CCDC181: variants seen among roughly 807,000 people sequenced by gnomAD.
CCDC181 encodes coiled-coil domain containing 181.
Under a neutral mutation model 58.7 loss-of-function variants are expected in CCDC181, and 35 were observed. The ratio of observed to expected loss-of-function variants is 0.60; its 90% CI spans 0.46 to 0.79. CCDC181 has a LOEUF of 0.79. Ranked by LOEUF, CCDC181 falls within the 30% of genes least tolerant of loss-of-function variation. The pLI is 0.00. For missense variants in CCDC181, 517 were observed against 583.9 expected, an observed-to-expected ratio of 0.89 and a Z score of 1.18; for synonymous variants, 183 against 197.5, an observed-to-expected ratio of 0.93 and a Z score of 0.62.
chr1:169,410,140 T>G (rs1424603538), intron 4 of CCDC181, among the ~76,000 whole-genome samples: 1 of 147,394 alleles, frequency 6.8e-6, no homozygotes, highest in Non-Finnish European at 1.5e-5. Context: ...AGGAGACACA[T>G]CTCATATGCA....
chr1:169,403,147 C>G (rs940661489), intron 4 of CCDC181, among the ~76,000 whole-genome samples: 1 of 152,118 alleles, frequency 6.6e-6, no homozygotes, highest in African/African-American at 2.4e-5. Context: ...TACAGGAGCA[C>G]CCAGATTCAT....
chr1:169,437,827 T>G (rs1299946259), intron 2 of CCDC181, among the ~76,000 whole-genome samples: 1 of 152,198 alleles, frequency 6.6e-6, no homozygotes, highest in African/African-American at 2.4e-5. Flanking sequence ...AAGTAAATAC[T>G]GAGTACTAGG....
chr1:169,441,092 T>C (rs1409678001), intron 2 of CCDC181, among the ~76,000 whole-genome samples: 1 of 152,140 alleles, frequency 6.6e-6, no homozygotes, highest in Non-Finnish European at 1.5e-5. Context: ...CTTGGGCTAG[T>C]TAAGCATATT....
intron 4 of CCDC181, among the ~76,000 whole-genome samples, chr1:169,402,827 G>A (rs183686226): frequency 6.6e-6 from 1 of 152,234 alleles, no homozygotes; most frequent in African/African-American, 2.4e-5. Context: ...AGATGTAAAT[G>A]GGCTAAATGC....
rs1190642595 is a variant in CCDC181 at position 169,422,284 on chromosome 1, G to T, written c.147C>A (p.Asn49Lys). Residue 49 changes from asparagine to lysine, a missense_variant, in exon 3 of 6, where the codon AAC becomes AAA. Transcript: ENST00000367806. The stretch of plus-strand genomic sequence containing the variant: ...CTGTCTCATTCTCTTTTAAGTCTTG[G>T]TTAATATTCTCTTCCTTCTCACAAG... ...EMACEKEENI[N>K]QDLKENETVM... The T allele has an allele frequency of 1.9e-6, 3 of 1,571,050 alleles. No individual in the cohort carries two copies. The highest frequency in any genetic ancestry group is 1.7e-5 in the Admixed American group (1 of 57,368).
At chr1:169,403,997 A>G (rs1466988183) in intron 4 of CCDC181, among the ~76,000 whole-genome samples, 1 of 152,146 alleles carries the variant, frequency 6.6e-6, no homozygotes, top group Non-Finnish European at 1.5e-5. Flanking sequence ...CCGATCCCAC[A>G]GAAATACAAA....
intron 1 of CCDC181, among the ~76,000 whole-genome samples, chr1:169,426,817 A>C (rs1656731182): frequency 6.6e-6 from 1 of 152,172 alleles, no homozygotes; most frequent in Non-Finnish European, 1.5e-5. Context: ...CCTATAAGTA[A>C]GTTTTTAAAA....
Position 169,395,105 on chromosome 1 carries a change from T to C in CCDC181, c.1472A>G (p.Gln491Arg), listed in dbSNP as rs569294985. The C allele has an allele frequency of 6.2e-7, 1 of 1,613,706 alleles. No individual in the cohort carries two copies. Among genetic ancestry groups the C allele is most frequent in the Non-Finnish European group, 8.5e-7 (1 of 1,179,826 alleles). ...RLEAKRSKQL[Q>R]HHLYMSEAKP... is the part of the protein sequence containing the mutation. ...GGCTTCTGACATATATAGGTGGTGC[T>C]GTAACTGTTTAGAACGCTTAGCTTC... Residue 491 changes from glutamine to arginine, a missense_variant, in exon 6 of 6, where the codon CAG (glutamine) becomes CGG (arginine). Physicochemically the swap from Gln to Arg is conservative, Grantham distance 43. Coordinates refer to ENST00000367806, the MANE Select transcript of CCDC181 (RefSeq NM_001300969.2).
At chr1:169,418,600 GTTTT>G (rs1358932466) in intron 4 of CCDC181, among the ~76,000 whole-genome samples, 1 of 150,004 alleles carries the variant, frequency 6.7e-6, no homozygotes, top group African/African-American at 2.5e-5. Context: ...TTCTGTTTTA[GTTTT>G]TTTAATTCTT....
chr1:169,460,434 T>A (rs946664355), exon 1 of CCDC181: 1 of 152,258 alleles, frequency 6.6e-6, no homozygotes, highest in Non-Finnish European at 1.5e-5. Flanking sequence ...GGAAAGACCA[T>A]CCGAGGGGAG....
intron 4 of CCDC181, among the ~76,000 whole-genome samples, chr1:169,404,612 C>A (rs972396238): frequency 1.3e-5 from 2 of 152,130 alleles, no homozygotes; most frequent in Non-Finnish European, 2.9e-5. Context: ...ATTCAACAGC[C>A]CTTTATCCTA....
chr1:169,440,947 G>GAAAAAAAAAAAAAAAAAAAAA (rs1657211034), intron 2 of CCDC181, among the ~76,000 whole-genome samples: 1 of 59,456 alleles, frequency 1.7e-5, no homozygotes, highest in Non-Finnish European at 4.5e-5. Context: ...AAAAAAAAAG[G>GAAAAAAAAAAAAAAAAAAAAA]CAAGATGAGG....
chr1:169,444,622 AT>A (rs1453950321), intron 2 of CCDC181, among the ~76,000 whole-genome samples: 1 of 152,130 alleles, frequency 6.6e-6, no homozygotes, highest in African/African-American at 2.4e-5. Context: ...AAAAATTGGG[AT>A]TTTTTTAAAT....
upstream of CCDC181, among the ~76,000 whole-genome samples, chr1:169,428,677 A>G (rs1656814048): frequency 6.6e-6 from 1 of 152,004 alleles, no homozygotes; most frequent in African/African-American, 2.4e-5. Flanking sequence ...TGTTTTTGAG[A>G]CAGAGTCTCG....
chr1:169,414,859 A>G (rs1656141521), intron 4 of CCDC181, among the ~76,000 whole-genome samples: 1 of 152,216 alleles, frequency 6.6e-6, no homozygotes, highest in South Asian at 2.1e-4. Flanking sequence ...AAATTGTGCT[A>G]TATTTCAGCT....
chr1:169,401,562 A>T lies in CCDC181; in HGVS notation c.1216-4171T>A, dbSNP rs569385955. Among the ~76,000 whole-genome samples, 19 of 152,300 alleles carry T rather than the reference A, an allele frequency of 1.2e-4. No individual in the cohort carries two copies. The East Asian group carries it at 3.3e-3, about 26-fold the overall frequency. On this transcript the variant is annotated intron_variant, in intron 4 of 5. Transcript: ENST00000367806. ...AGGGTCTGGAGTGGACCTCCAGCAA[A>T]CTCCAATAGACCCACAGGTGAGGGT...
At chr1:169,426,059 GA>G (rs1320867583) in intron 1 of CCDC181, among the ~76,000 whole-genome samples, 1 of 151,104 alleles carries the variant, frequency 6.6e-6, no homozygotes, top group Non-Finnish European at 1.5e-5. Flanking sequence ...TAATTCAAAG[GA>G]AAAAAAAGCC....
intron 4 of CCDC181, among the ~76,000 whole-genome samples, chr1:169,416,862 T>C (rs1656238107): frequency 1.3e-5 from 2 of 152,198 alleles, no homozygotes; most frequent in South Asian, 4.1e-4. Flanking sequence ...ACAAATGGCA[T>C]AATAAACACT....
At position 169,460,252 on chromosome 1, in the gene CCDC181, C is replaced by A. The variant is rs1282382976; in HGVS notation, c.-92+1G>T. ...ACCGCAGCCAACGCCCTTCCCAATA[C>A]CTGATGTGTGAATTTCCTTCATCTT... is the stretch of plus-strand genomic sequence containing the variant. On this transcript the variant is annotated splice_donor_variant, in intron 1 of 6. Transcript: ENST00000545005. LOFTEE classifies it low-confidence loss of function (5UTR_SPLICE). The A allele has an allele frequency of 1.3e-5, 2 of 152,248 alleles. No individual in the cohort carries two copies. 9.4% of individuals were successfully genotyped at this position (152,248 alleles called of 1,614,324 possible). A position where few individuals can be genotyped will look rare whatever the true frequency, so the allele number is the denominator to read the frequency against.
Sources: gnomAD v4.1 joint callset for allele counts (sites outside exome capture counted in the v4.1 genomes callset) on GRCh38, gnomAD v4.1.1 for gene constraint, MANE v1.5 for transcripts, NCBI Gene and HGNC (gene_info 2026-07-23, HGNC 2026-07-21) for gene names.